The following NDUFAF6 variants were observed in gnomAD, a reference collection of about 807,000 sequenced individuals.
NDUFAF6 encodes NADH dehydrogenase (ubiquinone) complex I, assembly factor 6.
A neutral mutation model predicts 40.8 loss-of-function variants in NDUFAF6; 45 were observed. That is an observed-to-expected ratio of 1.10 (90% CI 0.87 to 1.42). The LOEUF is 1.42. Ranked by LOEUF, NDUFAF6 falls within the 40% of genes most tolerant of loss-of-function variation. The probability of loss-of-function intolerance (pLI) is 0.00; values close to 1 mark genes in which losing one functional copy is unlikely to be tolerated. For missense variants in NDUFAF6, 435 were observed against 418.5 expected, an observed-to-expected ratio of 1.04 and a Z score of -0.34; for synonymous variants, 185 against 155.9, an observed-to-expected ratio of 1.19 and a Z score of -1.39.
rs752509053 is a variant in NDUFAF6 at position 94,976,537 on chromosome 8, G to A, written c.-198-4322G>A. Reference sequence around the variant, plus strand: ...AAAAAAAAAAAAATTAGCTGGGTGCGGTGGTAGGTGCCTGTGGTCCCAGCT... The same window carrying A: ...AAAAAAAAAAAAATTAGCTGGGTGCAGTGGTAGGTGCCTGTGGTCCCAGCT... On this transcript the variant is annotated intron_variant, in intron 1 of 9. Coordinates refer to the NDUFAF6 transcript ENST00000396111. Among the ~76,000 whole-genome samples, 68 of 150,162 alleles carry A rather than the reference G, an allele frequency of 4.5e-4. 1 individual carries two copies. Among genetic ancestry groups the A allele is most frequent in the Non-Finnish European group, 7.2e-4 (49 of 67,718 alleles).
upstream of NDUFAF6, among the ~76,000 whole-genome samples, chr8:95,099,355 AG>A: frequency 6.6e-6 from 1 of 151,700 alleles, no homozygotes; most frequent in East Asian, 1.9e-4. Flanking sequence ...AAAAAAGAAA[AG>A]AAAAAAAATG....
At chr8:95,043,960 T>G (rs1029989120) in intron 4 of NDUFAF6, among the ~76,000 whole-genome samples, 3 of 152,222 alleles carry the variant, frequency 2.0e-5, no homozygotes, top group Non-Finnish European at 4.4e-5. Flanking sequence ...GCAACATTAT[T>G]CATGAAAGCC....
At chr8:94,948,307 T>A (rs2131403472) in intron 2 of NDUFAF6, among the ~76,000 whole-genome samples, 1 of 152,336 alleles carries the variant, frequency 6.6e-6, no homozygotes, top group African/African-American at 2.4e-5. Context: ...TTCCTATGTG[T>A]AAGATAGCCG....
rs763283915 is a variant in NDUFAF6, at chr8:95,035,449, T to C, written c.298-5T>C. ...TTTGCTAAAGTTTTTAAACCCTGTTTATAGGTTAAAGACTCAGTCTCTGAG... is the reference window on the plus strand; with the variant it reads ...TTTGCTAAAGTTTTTAAACCCTGTTCATAGGTTAAAGACTCAGTCTCTGAG... On this transcript the variant is annotated splice_region_variant and splice_polypyrimidine_tract_variant and intron_variant, in intron 2 of 8. Transcript: ENST00000396124. 6.2e-7 allele frequency: 1 copy of C among 1,613,628 alleles called. No homozygotes were observed. The highest frequency in any genetic ancestry group is 8.5e-7 in the Non-Finnish European group (1 of 1,179,766).
At position 95,058,061 on chromosome 8, in the gene NDUFAF6, T is replaced by G. The variant is rs1832416146; in HGVS notation, c.*124T>G. The G allele has an allele frequency of 1.4e-6, 2 of 1,475,214 alleles. No individual in the cohort carries two copies. The highest frequency in any genetic ancestry group is 2.9e-5 in the South Asian group (2 of 69,988). 91.4% of individuals were successfully genotyped at this position (1,475,214 alleles called of 1,614,324 possible). ...TGAATTTATTGAATGGGATGTCAAG[T>G]AGCTCACAAAATTGAGAAGTTGCCG... On this transcript the variant is annotated 3_prime_UTR_variant, in exon 9 of 9. Coordinates refer to ENST00000396124, the MANE Select transcript of NDUFAF6 (RefSeq NM_152416.4).
At chr8:94,985,780 C>T (rs1459779856) in intron 2 of NDUFAF6, among the ~76,000 whole-genome samples, 5 of 150,786 alleles carry the variant, frequency 3.3e-5, no homozygotes, top group East Asian at 1.9e-4. Context: ...GTGATTTGCC[C>T]GCCTTGGCGT....
downstream of NDUFAF6, among the ~76,000 whole-genome samples, chr8:95,061,509 A>G (rs1174285819): frequency 6.6e-6 from 1 of 152,200 alleles, no homozygotes; most frequent in African/African-American, 2.4e-5. Context: ...GGAGGGGAGA[A>G]GAGTTGAGGG....
intron 2 of NDUFAF6, among the ~76,000 whole-genome samples, chr8:95,008,926 G>A (rs1050747554): frequency 2.8e-4 from 42 of 152,142 alleles, no homozygotes; most frequent in Non-Finnish European, 7.3e-5. Context: ...GCTGGGCATG[G>A]TGGCTCACGC....
intron 1 of NDUFAF6, among the ~76,000 whole-genome samples, chr8:94,905,288 GT>G (rs34379696): frequency 0.6 from 83,109 of 139,584 alleles, 24,770 homozygotes; most frequent in East Asian, 0.78. Flanking sequence ...TCCTTTTCAG[GT>G]TTTTTTTTTT....
intron 2 of NDUFAF6, chr8:94,950,121 A>G (rs958794314): frequency 1.3e-5 from 2 of 152,648 alleles, no homozygotes; most frequent in Admixed American, 1.3e-4. Context: ...AGCGGACAAC[A>G]AGCGCACCGG....
chr8:94,958,522 C>CTTTTTTTTTT lies in NDUFAF6; in HGVS notation c.-199+364_-199+373dup, dbSNP rs55703438. ...CCCTATCTCCACACATAGTCACATT[C>CTTTTTTTTTT]TTTTTTTTTTTTTTTTTTTTTTTTT... On this transcript the variant is annotated intron_variant, in intron 1 of 9. Transcript: ENST00000396111. Among the ~76,000 whole-genome samples, 24 of 71,276 alleles carry CTTTTTTTTTT rather than the reference C, an allele frequency of 3.4e-4. 3 individuals are homozygous for CTTTTTTTTTT. The highest frequency in any genetic ancestry group is 1.1e-3 in the African/African-American group (18 of 16,950). 46.8% of individuals were successfully genotyped at this position (71,276 alleles called of 152,430 possible). A position where few individuals can be genotyped will look rare whatever the true frequency, so the allele number is the denominator to read the frequency against.
chr8:94,930,368 G>A lies in NDUFAF6; in HGVS notation c.-935-15115G>A, dbSNP rs1820270568. On this transcript the variant is annotated intron_variant, in intron 1 of 14. Transcript: ENST00000396113. ...TGTCTAAATACACTGATAAAACTATGTGATTGGTTATCAATTGGTTGTAAA... is the reference window on the plus strand; with the variant it reads ...TGTCTAAATACACTGATAAAACTATATGATTGGTTATCAATTGGTTGTAAA... 9 of 1,426,264 alleles carry A rather than the reference G, an allele frequency of 6.3e-6. No individual in the cohort carries two copies. The South Asian group carries it at 1.1e-4, about 17-fold the overall frequency. The allele number at this position is 1,426,264 out of a possible 1,614,324, so 88.4% of individuals were successfully genotyped here. A position where few individuals can be genotyped will look rare whatever the true frequency, so the allele number is the denominator to read the frequency against.
chr8:94,940,349 C>A, intron 1 of NDUFAF6: 1 of 1,082,898 alleles, frequency 9.2e-7, no homozygotes, highest in Middle Eastern at 2.4e-4. Context: ...AGAGATGATA[C>A]TATTAGCTGA....
chr8:94,979,448 C>G (rs937288666), intron 1 of NDUFAF6, among the ~76,000 whole-genome samples: 1 of 152,178 alleles, frequency 6.6e-6, no homozygotes, highest in Non-Finnish European at 1.5e-5. Flanking sequence ...ACACCCCTCT[C>G]TCTTTTCCAT....
At chr8:94,925,050 G>A (rs1423087464) in intron 1 of NDUFAF6, among the ~76,000 whole-genome samples, 1 of 152,098 alleles carries the variant, frequency 6.6e-6, no homozygotes, top group Non-Finnish European at 1.5e-5. Context: ...GCCCAAAGTG[G>A]GGCTTTCATT....
chr8:95,086,941 G>A (rs1409999292), intron 2 of NDUFAF6, among the ~76,000 whole-genome samples: 1 of 152,056 alleles, frequency 6.6e-6, no homozygotes, highest in East Asian at 1.9e-4. Context: ...TGTGTGATCA[G>A]GTCAACACAT....
intron 1 of NDUFAF6, chr8:94,932,093 C>T: frequency 6.2e-7 from 1 of 1,610,484 alleles, no homozygotes; most frequent in Admixed American, 1.7e-5. Flanking sequence ...GTCTTATAAG[C>T]AGCTTTTCCT....
rs1832421396 is a variant in NDUFAF6, at chr8:95,058,126, G to A, written c.*189G>A. Reference sequence around the variant, plus strand: ...CAAGACTGCTGAGATTCTGGCAGAGGCACTGCCATTGGCACCCCTGGCCCA... The same window carrying A: ...CAAGACTGCTGAGATTCTGGCAGAGACACTGCCATTGGCACCCCTGGCCCA... On this transcript the variant is annotated 3_prime_UTR_variant, in exon 9 of 9. Transcript: ENST00000396124. 2 of 1,445,406 alleles carry A rather than the reference G, an allele frequency of 1.4e-6. No individual in the cohort carries two copies. Among genetic ancestry groups the A allele is most frequent in the Non-Finnish European group, 1.8e-6 (2 of 1,110,188 alleles). The allele number at this position is 1,445,406 out of a possible 1,614,324, so 89.5% of individuals were successfully genotyped here. A position where few individuals can be genotyped will look rare whatever the true frequency, so the allele number is the denominator to read the frequency against.
chr8:95,058,021 C>A lies in NDUFAF6; in HGVS notation c.*84C>A. 6.6e-7 allele frequency: 1 copy of A among 1,511,764 alleles called. No individual in the cohort carries two copies. The highest frequency in any genetic ancestry group is 8.9e-7 in the Non-Finnish European group (1 of 1,127,234). 93.6% of individuals were successfully genotyped at this position (1,511,764 alleles called of 1,614,324 possible). A position where few individuals can be genotyped will look rare whatever the true frequency, so the allele number is the denominator to read the frequency against. Reference sequence around the variant, plus strand: ...CTTATTTAGGAACAACAGGAAATGACTGTTAAGGAGAAAATGAATTTATTG... The same window carrying A: ...CTTATTTAGGAACAACAGGAAATGAATGTTAAGGAGAAAATGAATTTATTG... On this transcript the variant is annotated 3_prime_UTR_variant, in exon 9 of 9. Transcript: ENST00000396124.
Sources: allele counts gnomAD v4.1 joint callset (sites outside exome capture counted in the v4.1 genomes callset), GRCh38; gene constraint gnomAD v4.1.1; transcripts MANE v1.5; gene names NCBI Gene and HGNC (gene_info 2026-07-23, HGNC 2026-07-21).